POLR2K: variants seen among roughly 807,000 people sequenced by gnomAD.
POLR2K encodes DNA-directed RNA polymerases I, II, and III subunit RPABC4.
Under a neutral mutation model 10.1 loss-of-function variants are expected in POLR2K, and 9 were observed. That is an observed-to-expected ratio of 0.89 (90% confidence interval 0.54 to 1.56). The LOEUF (loss-of-function observed/expected upper bound fraction) is 1.56. Ranked by LOEUF, POLR2K falls within the 40% of genes most tolerant of loss-of-function variation. POLR2K has a pLI of 0.00. For synonymous variants in POLR2K, 19 were observed against 20.3 expected (o/e 0.94, Z 0.17); for missense variants, 53 against 71.9 (o/e 0.74, Z 0.95).
chr8:100,153,192 T>G lies in POLR2K; in HGVS notation c.155-102T>G. 3 of 803,728 alleles carry G rather than the reference T, an allele frequency of 3.7e-6. No homozygotes were observed. In the Admixed American group the frequency reaches 7.6e-5, roughly 20 times the overall value. 49.8% of individuals were successfully genotyped at this position (803,728 alleles called of 1,614,324 possible). On this transcript the variant is annotated intron_variant, in intron 3 of 3. Coordinates refer to ENST00000353107, the MANE Select transcript of POLR2K (RefSeq NM_005034.4). ...ATTCCATTCTTTTTTGCATTTTAAG[T>G]TAAATAACAAACCAGCTTATTGCAA...
chr8:100,151,545 AAAAAATCGT>A (rs1814919178), intron 2 of POLR2K, 129 bp downstream of exon 2: 1 of 701,336 alleles, frequency 1.4e-6, no homozygotes, highest in African/African-American at 1.8e-5. Flanking sequence ...GCAACCATAA[AAAAAATCGT>A]TGAGGTCAGT....
Position 100,153,388 on chromosome 8 carries a change from A to G in POLR2K, c.*72A>G, listed in dbSNP as rs182855988. On this transcript the variant is annotated 3_prime_UTR_variant, in exon 4 of 4. Transcript: ENST00000353107. ...CTCTTCCCATTTCTGATTGTTGTAT[A>G]GCTTTCGATTTTGCTTACAGTAGTT... The G allele has an allele frequency of 3.0e-4, 421 of 1,399,412 alleles. 5 individuals carry two copies. The Admixed American group carries it at 7.1e-3, about 24-fold the overall frequency. 86.7% of individuals were successfully genotyped at this position (1,399,412 alleles called of 1,614,324 possible).
At chr8:100,151,231 G>T in intron 1 of POLR2K, 116 bp from the exon 2 acceptor site, 1 of 759,634 alleles carries the variant, frequency 1.3e-6, no homozygotes, top group Non-Finnish European at 2.4e-6. Context: ...CATAGGATTT[G>T]GGGAAAGGAA....
At chr8:100,150,864 A>G (rs1814907878) in intron 1 of POLR2K, among the ~76,000 whole-genome samples, 155 bp downstream of exon 1, 1 of 152,142 alleles carries the variant, frequency 6.6e-6, no homozygotes. Flanking sequence ...TTTAGTTTAG[A>G]TGTTTAGCCA....
chr8:100,153,196 A>G, intron 3 of POLR2K, 98 bp from the exon 4 acceptor site: 1 of 832,682 alleles, frequency 1.2e-6, no homozygotes. Flanking sequence ...TTTAAGTTAA[A>G]TAACAAACCA....
At chr8:100,151,318 A>T (rs542825522) in intron 1 of POLR2K, 29 bp from the exon 2 acceptor site, 1 of 1,449,714 alleles carries the variant, frequency 6.9e-7, no homozygotes, top group Non-Finnish European at 9.7e-7. Context: ...CCCTTTTGAG[A>T]TATTCAGTAT....
chr8:100,152,270 T>G (rs1211488498), intron 3 of POLR2K: 1 of 380,104 alleles, frequency 2.6e-6, no homozygotes, highest in Non-Finnish European at 4.7e-6. Flanking sequence ...TTATTGCTGC[T>G]AGGCTACACA....
At chr8:100,151,273 C>T (rs527254192) in intron 1 of POLR2K, 74 bp from the exon 2 acceptor site, 2 of 970,486 alleles carry the variant, frequency 2.1e-6, no homozygotes, top group East Asian at 2.4e-5. Context: ...GTAGCTTTTC[C>T]TGAGAAAAAT....
chr8:100,151,491 T>A, intron 2 of POLR2K, 75 bp downstream of exon 2: 1 of 971,726 alleles, frequency 1.0e-6, no homozygotes, highest in Non-Finnish European at 1.7e-6. Flanking sequence ...ATTCTTTGCT[T>A]AAATGAGTTA....
intron 3 of POLR2K, chr8:100,152,269 C>T (rs1039100072): frequency 5.3e-6 from 2 of 379,644 alleles, no homozygotes; most frequent in African/African-American, 4.3e-5. Flanking sequence ...CTTATTGCTG[C>T]TAGGCTACAC....
intron 3 of POLR2K, among the ~76,000 whole-genome samples, chr8:100,152,980 G>A (rs1814940635): frequency 6.6e-6 from 1 of 152,126 alleles, no homozygotes; most frequent in African/African-American, 2.4e-5. Context: ...ATGTTAGCCA[G>A]GATGGTCTCG....
Position 100,153,646 on chromosome 8 carries a change from G to A in POLR2K, c.*330G>A, listed in dbSNP as rs1352407830. 4.7e-6 allele frequency: 1 copy of A among 213,354 alleles called. No individual in the cohort carries two copies. The highest frequency in any genetic ancestry group is 2.3e-5 in the African/African-American group (1 of 43,262). 13.2% of individuals were successfully genotyped at this position (213,354 alleles called of 1,614,324 possible). On this transcript the variant is annotated 3_prime_UTR_variant, in exon 4 of 4. Coordinates refer to ENST00000353107, the MANE Select transcript of POLR2K (RefSeq NM_005034.4). The stretch of plus-strand genomic sequence containing the variant: ...TCTCTTGCTTTCAAAATATCTTCTT[G>A]TACAGTACTCACCTATTTTAGAATG...
At position 100,153,977 on chromosome 8, in the gene POLR2K, T is replaced by A. The variant is rs1814953084; in HGVS notation, c.*661T>A. 1 of 152,264 alleles carries A rather than the reference T, an allele frequency of 6.6e-6. No individual in the cohort carries two copies. Among genetic ancestry groups the A allele is most frequent in the African/African-American group, 2.4e-5 (1 of 41,464 alleles). 9.4% of individuals were successfully genotyped at this position (152,264 alleles called of 1,614,324 possible). A position where few individuals can be genotyped will look rare whatever the true frequency, so the allele number is the denominator to read the frequency against. On this transcript the variant is annotated 3_prime_UTR_variant, in exon 4 of 4. Transcript: ENST00000353107. ...AGGTTTCTAGAACCCTCTGAAGTTC[T>A]GATTAAATAAATTTATTGCAAACCA...
At chr8:100,153,003 C>T (rs1814940920) in intron 3 of POLR2K, among the ~76,000 whole-genome samples, 1 of 152,114 alleles carries the variant, frequency 6.6e-6, no homozygotes, top group Admixed American at 6.5e-5. Context: ...CTCCTGACCT[C>T]GTGATCCGCC....
intron 3 of POLR2K, among the ~76,000 whole-genome samples, chr8:100,153,004 G>C (rs966296768): frequency 8.5e-5 from 13 of 152,098 alleles, no homozygotes; most frequent in Admixed American, 6.5e-4. Flanking sequence ...TCCTGACCTC[G>C]TGATCCGCCC....
In POLR2K at chr8:100,151,842, A is replaced by T. The variant is rs780284679; in HGVS notation, c.80A>T (p.Glu27Val). 1 of 1,546,406 alleles carries T rather than the reference A, an allele frequency of 6.5e-7. No individual in the cohort carries two copies. The highest frequency in any genetic ancestry group is 8.9e-7 in the Non-Finnish European group (1 of 1,129,064). Residue 27 changes from glutamate to valine, a missense_variant, in exon 3 of 4, where the codon GAA becomes GTA. Physicochemically the swap from Glu to Val is moderately radical, Grantham distance 121. Transcript: ENST00000353107. ...YICGECHTEN[E>V]IKSRDPIRCR... ...ATTCTAGAGTGTCACACAGAAAATG[A>T]AATAAAATCTAGGGATCCAATCAGA...
intron 3 of POLR2K, 112 bp from the exon 4 acceptor site, chr8:100,153,182 G>A: frequency 1.4e-6 from 1 of 721,730 alleles, no homozygotes; most frequent in Non-Finnish European, 2.3e-6. Context: ...ATTCTTTTTT[G>A]CATTTTAAGT....
chr8:100,152,153 A>T, intron 3 of POLR2K: 1 of 574,334 alleles, frequency 1.7e-6, no homozygotes, highest in East Asian at 3.0e-5. Context: ...AAGCTTGAGG[A>T]TAGGGATACA....
Position 100,153,402 on chromosome 8 carries a change from C to T in POLR2K, c.*86C>T. The T allele has an allele frequency of 8.2e-7, 1 of 1,223,242 alleles. No individual in the cohort carries two copies. The highest frequency in any genetic ancestry group is 1.3e-5 in the South Asian group (1 of 79,742). 75.8% of individuals were successfully genotyped at this position (1,223,242 alleles called of 1,614,324 possible). ...GATTGTTGTATAGCTTTCGATTTTG[C>T]TTACAGTAGTTCCCCCTTATCTTCG... On this transcript the variant is annotated 3_prime_UTR_variant, in exon 4 of 4. Transcript: ENST00000353107.
Sources: allele counts gnomAD v4.1 joint callset (sites outside exome capture counted in the v4.1 genomes callset), GRCh38; gene constraint gnomAD v4.1.1; transcripts MANE v1.5; gene names NCBI Gene and HGNC (gene_info 2026-07-23, HGNC 2026-07-21).